The following ZFPM2 variants were observed in gnomAD, a reference collection of about 807,000 sequenced individuals.
ZFPM2 encodes zinc finger protein, FOG family member 2, also known as zinc finger protein ZFPM2.
A neutral mutation model predicts 98.6 loss-of-function variants in ZFPM2; 20 were observed. The ratio of observed to expected loss-of-function variants is 0.20; its 90% CI spans 0.14 to 0.29. The LOEUF (loss-of-function observed/expected upper bound fraction) is 0.29. Ranked by LOEUF, ZFPM2 falls within the 10% of genes least tolerant of loss-of-function variation. The pLI is 1.00. For missense variants in ZFPM2, 1,310 were observed against 1,388.6 expected (o/e 0.94, Z 0.90); for synonymous variants, 518 against 502.7 (o/e 1.03, Z -0.41).
intron 5 of ZFPM2, among the ~76,000 whole-genome samples, chr8:105,674,741 A>C (rs1817657433): frequency 6.6e-6 from 1 of 152,162 alleles, no homozygotes; most frequent in South Asian, 2.1e-4. Flanking sequence ...TTTGTCAAGA[A>C]GAGGATATAA....
chr8:105,803,175 T>G lies in ZFPM2; in HGVS notation c.3093T>G (p.Ser1031=). Residue 1031 remains serine (S), a synonymous_variant, in exon 8 of 8, where the codon TCT becomes TCG. Coordinates refer to ENST00000407775, the MANE Select transcript of ZFPM2 (RefSeq NM_012082.4). Reference sequence around the variant, plus strand: ...GGTGTGCTGCGCTGAAGAAAGATTCTCTGCCATTGTTGCCCAAAAATCGAG... The same window carrying G: ...GGTGTGCTGCGCTGAAGAAAGATTCGCTGCCATTGTTGCCCAAAAATCGAG... ...SNGCAALKKD[S]LPLLPKNRGM... is the part of the protein sequence containing the mutation. 3.1e-6 allele frequency: 5 copies of G among 1,613,858 alleles called. No individual in the cohort carries two copies. Among genetic ancestry groups the G allele is most frequent in the Non-Finnish European group, 4.2e-6 (5 of 1,179,826 alleles).
chr8:105,555,352 A>G (rs972081094), intron 3 of ZFPM2, among the ~76,000 whole-genome samples: 7 of 152,084 alleles, frequency 4.6e-5, no homozygotes, highest in African/African-American at 1.4e-4. Context: ...TCCGTATTCT[A>G]TAGATGAGGT....
intron 2 of ZFPM2, among the ~76,000 whole-genome samples, chr8:105,441,487 A>G (rs1381901706): frequency 1.7e-3 from 234 of 137,068 alleles, no homozygotes; most frequent in Admixed American, 3.9e-3. Flanking sequence ...AGAAAGAAAG[A>G]AAGAAAGAAA....
chr8:105,321,940 T>G (rs1027496536), intron 1 of ZFPM2, among the ~76,000 whole-genome samples: 1 of 152,208 alleles, frequency 6.6e-6, no homozygotes, highest in African/African-American at 2.4e-5. Flanking sequence ...ACTGCCTGGA[T>G]TTCCTGATAA....
intron 1 of ZFPM2, among the ~76,000 whole-genome samples, chr8:105,400,438 A>G (rs1811317516): frequency 6.6e-6 from 1 of 151,880 alleles, no homozygotes; most frequent in Admixed American, 6.6e-5. Flanking sequence ...AACAGTCCCC[A>G]GAGTGTGATA....
chr8:105,382,118 A>G (rs775143289), intron 1 of ZFPM2, among the ~76,000 whole-genome samples: 1 of 152,090 alleles, frequency 6.6e-6, no homozygotes, highest in African/African-American at 2.4e-5. Context: ...TTTTTATAAT[A>G]TTATACTTTG....
chr8:105,746,558 G>A (rs1197260095), intron 5 of ZFPM2, among the ~76,000 whole-genome samples: 8 of 151,642 alleles, frequency 5.3e-5, no homozygotes, highest in Admixed American at 1.3e-4. Context: ...ATAAATATAC[G>A]TGACAATAAT....
At chr8:105,669,539 TG>T (rs35342399) in intron 5 of ZFPM2, among the ~76,000 whole-genome samples, 6,893 of 141,190 alleles carry the variant, frequency 0.049, 186 homozygotes, top group African/African-American at 0.097. Flanking sequence ...AGTGTGCATG[TG>T]TGTGTGTGTG....
At chr8:105,621,264 T>G (rs1203604043) in intron 4 of ZFPM2, among the ~76,000 whole-genome samples, 1 of 152,160 alleles carries the variant, frequency 6.6e-6, no homozygotes, top group Non-Finnish European at 1.5e-5. Context: ...GTTGGATTCC[T>G]AGGTATTTTA....
Position 105,801,996 on chromosome 8 carries a change from T to A in ZFPM2, c.1914T>A (p.Asn638Lys). The A allele has an allele frequency of 9.9e-6, 16 of 1,613,804 alleles. No homozygotes were observed. The highest frequency in any genetic ancestry group is 1.3e-5 in the Non-Finnish European group (15 of 1,179,862). ...SSTVLDLIGP[N>K]GKGHDKDFST... ...CTGTCTTAGATTTAATTGGGCCAAA[T>A]GGGAAGGGCCATGACAAGGACTTTT... is the stretch of plus-strand genomic sequence containing the variant. The change falls in exon 8 of 8, where the codon AAT becomes AAA. Residue 638 changes from asparagine (N) to lysine (K), a missense_variant. Physicochemically the swap from Asn to Lys is moderately conservative, Grantham distance 94 (BLOSUM62 0). Coordinates refer to ENST00000407775, the MANE Select transcript of ZFPM2 (RefSeq NM_012082.4).
At chr8:105,512,383 C>T (rs1271308388) in intron 3 of ZFPM2, among the ~76,000 whole-genome samples, 1 of 152,290 alleles carries the variant, frequency 6.6e-6, no homozygotes, top group East Asian at 1.9e-4. Flanking sequence ...TGAGTACCCC[C>T]AACAGACTTA....
At chr8:105,343,400 C>T (rs568079216) in intron 1 of ZFPM2, among the ~76,000 whole-genome samples, 1 of 152,082 alleles carries the variant, frequency 6.6e-6, no homozygotes, top group African/African-American at 2.4e-5. Flanking sequence ...CCCAGGATAA[C>T]AGTCAGGCAG....
chr8:105,517,217 C>T (rs1043024981), intron 3 of ZFPM2, among the ~76,000 whole-genome samples: 4 of 152,004 alleles, frequency 2.6e-5, no homozygotes, highest in Admixed American at 2.0e-4. Context: ...TAACAGTGGT[C>T]GAATCTTAAG....
rs531651415 is a variant in ZFPM2, at chr8:105,439,663, A to G, written c.200-4617A>G. The stretch of plus-strand genomic sequence containing the variant: ...TGTGCATCAATTTCCTGAATAGTAA[A>G]TTGATCTAATTTGGGCTACATGTTT... On this transcript the variant is annotated intron_variant, in intron 2 of 7. Coordinates refer to ENST00000407775, the MANE Select transcript of ZFPM2 (RefSeq NM_012082.4). Among the ~76,000 whole-genome samples the G allele has an allele frequency of 1.5e-4, 23 of 152,292 alleles. No individual in the cohort carries two copies. The Middle Eastern group carries it at 0.017, about 113-fold the overall frequency.
At chr8:105,710,979 C>T (rs1052615029) in intron 5 of ZFPM2, among the ~76,000 whole-genome samples, 2 of 151,906 alleles carry the variant, frequency 1.3e-5, no homozygotes, top group Non-Finnish European at 2.9e-5. Context: ...TTTGTTCATC[C>T]TCTCAACCAG....
chr8:105,674,485 G>A (rs1347438558), intron 5 of ZFPM2, among the ~76,000 whole-genome samples: 1 of 152,148 alleles, frequency 6.6e-6, no homozygotes, highest in Non-Finnish European at 1.5e-5. Context: ...ACCAAGTCTT[G>A]TTTTTAGTGG....
At chr8:105,478,169 C>T (rs1012380784) in intron 3 of ZFPM2, among the ~76,000 whole-genome samples, 5 of 152,182 alleles carry the variant, frequency 3.3e-5, no homozygotes, top group African/African-American at 7.2e-5. Context: ...AGCTCACACA[C>T]TTGAGTTCAA....
In ZFPM2 at chr8:105,444,381, G is replaced by T; in HGVS notation, c.301G>T (p.Gly101Ter). The T allele has an allele frequency of 6.2e-7, 1 of 1,606,106 alleles. No individual in the cohort carries two copies. Among genetic ancestry groups the T allele is most frequent in the Non-Finnish European group, 8.5e-7 (1 of 1,175,628 alleles). ...TGAGACAGACGACTGGGATGGACCA[G>T]GTAGGGGAGAATATTTAAAATTCAA... ...GVETDDWDGPGELEVFQKDGE... is the reference protein window; with the variant it reads ...GVETDDWDGP Residue 101 changes from glycine to a stop codon, truncating the protein, a stop_gained and splice_region_variant, in exon 3 of 8, where the codon GGA becomes TGA. Coordinates refer to ENST00000407775, the MANE Select transcript of ZFPM2 (RefSeq NM_012082.4). LOFTEE classifies it high-confidence loss of function.
intron 5 of ZFPM2, among the ~76,000 whole-genome samples, chr8:105,677,216 CT>C (rs554980645): frequency 1.6e-3 from 231 of 147,616 alleles, no homozygotes; most frequent in Non-Finnish European, 2.3e-3. Flanking sequence ...GAAATCATGT[CT>C]TTTTTTTTTT....
Sources: gnomAD v4.1 joint callset for allele counts (sites outside exome capture counted in the v4.1 genomes callset) on GRCh38, gnomAD v4.1.1 for gene constraint, MANE v1.5 for transcripts, NCBI Gene and HGNC (gene_info 2026-07-23, HGNC 2026-07-21) for gene names.